CATSPERE: variants seen among roughly 807,000 people sequenced by gnomAD.
CATSPERE encodes the protein catsper channel auxiliary subunit epsilon, also known as cation channel sperm-associated auxiliary subunit epsilon.
In CATSPERE, 93 loss-of-function variants were observed where a neutral mutation model predicts 114.1. The observed-to-expected ratio is 0.81, with a 90% confidence interval of 0.69 to 0.97. CATSPERE has a LOEUF of 0.97. CATSPERE is among the 50% of genes least tolerant of loss of function. The pLI, the probability that CATSPERE is intolerant of heterozygous loss-of-function variation, is 0.00. For synonymous variants in CATSPERE, 341 were observed against 384.1 expected, an observed-to-expected ratio of 0.89 and a Z score of 1.31; for missense variants, 1,058 against 1,131.6, an observed-to-expected ratio of 0.93 and a Z score of 0.93.
At chr1:244,535,325 TTG>T (rs1191355445) in intron 8 of CATSPERE, among the ~76,000 whole-genome samples, 2 of 152,182 alleles carry the variant, frequency 1.3e-5, no homozygotes, top group East Asian at 3.9e-4. Context: ...CCAGCCAGTC[TTG>T]TGTCTTTCCC....
rs1425532385 is a variant in CATSPERE at position 244,624,217 on chromosome 1, C to T, written c.2648+6531C>T. On this transcript the variant is annotated intron_variant, in intron 20 of 21. Transcript: ENST00000366534. ...CAATCTCCTGACCTCGTGATCCGCC[C>T]ACCTCGGCCTCCCAACGTGCTGGGA... Among the ~76,000 whole-genome samples the T allele has an allele frequency of 3.3e-5, 5 of 150,694 alleles. No homozygotes were observed. In the East Asian group the frequency reaches 9.8e-4, roughly 30 times the overall value.
intron 6 of CATSPERE, among the ~76,000 whole-genome samples, chr1:244,495,257 T>C (rs1482830867): frequency 6.6e-6 from 1 of 152,208 alleles, no homozygotes; most frequent in African/African-American, 2.4e-5. Context: ...CTAGAAAATA[T>C]ACAACTAAAC....
intron 9 of CATSPERE, among the ~76,000 whole-genome samples, chr1:244,559,019 A>G (rs1411413421): frequency 2.0e-5 from 3 of 152,208 alleles, no homozygotes; most frequent in African/African-American, 7.2e-5. Context: ...GAGACCTTGA[A>G]TGCTTCAAAA....
At chr1:244,578,959 ACTTTT>A (rs1477612327) in intron 11 of CATSPERE, among the ~76,000 whole-genome samples, 1 of 149,332 alleles carries the variant, frequency 6.7e-6, no homozygotes, top group Non-Finnish European at 1.5e-5. Context: ...TGATGTCATG[ACTTTT>A]CTTTGCTTGG....
At chr1:244,490,560 T>C in intron 6 of CATSPERE, 89 bp downstream of exon 6, 1 of 850,644 alleles carries the variant, frequency 1.2e-6, no homozygotes, top group African/African-American at 1.7e-5. Context: ...GATGAGGAAT[T>C]TTTCAAATGA....
intron 8 of CATSPERE, among the ~76,000 whole-genome samples, chr1:244,518,955 A>T (rs1323343816): frequency 6.6e-6 from 1 of 152,158 alleles, no homozygotes; most frequent in Non-Finnish European, 1.5e-5. Flanking sequence ...AATCCTGGAA[A>T]TATCTCAAAA....
chr1:244,573,446 A>T lies in CATSPERE; in HGVS notation c.1950+674A>T, dbSNP rs945904854. Among the ~76,000 whole-genome samples, 13 of 151,694 alleles carry T rather than the reference A, an allele frequency of 8.6e-5. No homozygotes were observed. Among genetic ancestry groups the T allele is most frequent in the Non-Finnish European group, 1.8e-4 (12 of 67,912 alleles). On this transcript the variant is annotated intron_variant, in intron 11 of 21. Coordinates refer to ENST00000366534, the MANE Select transcript of CATSPERE (RefSeq NM_001130957.2). This position sits in a 1 kb window ranked among gnomAD's most constrained non-coding sequence, Gnocchi z 4.0. ...ACAAAACAAAACAAAACAAAACAAAAAAACCAATTCTATCCGTCAATAGTT... is the reference window on the plus strand; with the variant it reads ...ACAAAACAAAACAAAACAAAACAAATAAACCAATTCTATCCGTCAATAGTT...
intron 6 of CATSPERE, among the ~76,000 whole-genome samples, chr1:244,491,127 A>C (rs1440605243): frequency 2.0e-5 from 3 of 152,110 alleles, no homozygotes; most frequent in Non-Finnish European, 2.9e-5. Context: ...TCCACCACAA[A>C]TCAACAGAAT....
chr1:244,494,198 A>G (rs1672705834), intron 6 of CATSPERE, among the ~76,000 whole-genome samples: 1 of 152,100 alleles, frequency 6.6e-6, no homozygotes. Flanking sequence ...ACTCGGAACC[A>G]ACCTAAATGT....
At chr1:244,490,351 T>C (rs1471426548) in intron 5 of CATSPERE, 96 bp from the exon 6 acceptor site, 3 of 783,552 alleles carry the variant, frequency 3.8e-6, no homozygotes, top group South Asian at 1.9e-5. Flanking sequence ...AAAGAGAATA[T>C]GCAAAGGTTT....
At chr1:244,506,718 G>T (rs554862425) in intron 7 of CATSPERE, among the ~76,000 whole-genome samples, 1 of 152,170 alleles carries the variant, frequency 6.6e-6, no homozygotes, top group African/African-American at 2.4e-5. Context: ...TCAAATCAGG[G>T]TAATTGGGAT....
At chr1:244,493,997 G>T (rs1411896679) in intron 6 of CATSPERE, among the ~76,000 whole-genome samples, 1 of 152,178 alleles carries the variant, frequency 6.6e-6, no homozygotes, top group African/African-American at 2.4e-5. Context: ...CTTTTACACT[G>T]TTGATGGGAC....
At position 244,461,446 on chromosome 1, in the gene CATSPERE, T is replaced by C. The variant is rs1455197530; in HGVS notation, c.17T>C (p.Val6Ala). 4.3e-6 allele frequency: 6 copies of C among 1,387,388 alleles called. No individual in the cohort carries two copies. The highest frequency in any genetic ancestry group is 5.6e-6 in the Non-Finnish European group (6 of 1,062,082). The allele number at this position is 1,387,388 out of a possible 1,614,324, so 85.9% of individuals were successfully genotyped here. Residue 6 changes from valine (V) to alanine (A), a missense_variant, in exon 1 of 22, where the codon GTG becomes GCG. Transcript: ENST00000366534. MSARE[V>A]AVLLLWLSCY... ...GCAGGCGCCATGTCAGCCCGGGAAG[T>C]GGCCGTGCTGCTGCTGTGGCTGAGC...
intron 8 of CATSPERE, among the ~76,000 whole-genome samples, chr1:244,521,837 G>A (rs1335656531): frequency 6.6e-6 from 1 of 152,048 alleles, no homozygotes; most frequent in Admixed American, 6.6e-5. Flanking sequence ...AATATTAATA[G>A]CCTAATGAGA....
At chr1:244,622,937 C>T (rs1390492772) in intron 20 of CATSPERE, among the ~76,000 whole-genome samples, 2 of 151,964 alleles carry the variant, frequency 1.3e-5, no homozygotes, top group African/African-American at 2.4e-5. Context: ...CAGGTATATA[C>T]CAAAAGTGTC....
chr1:244,465,172 A>G (rs1667422509), intron 2 of CATSPERE, among the ~76,000 whole-genome samples: 1 of 151,730 alleles, frequency 6.6e-6, no homozygotes, highest in South Asian at 2.1e-4. Flanking sequence ...AGTAGCTGGG[A>G]CTACAGGTGC....
At chr1:244,476,614 C>A (rs977165895) in intron 2 of CATSPERE, among the ~76,000 whole-genome samples, 3 of 152,094 alleles carry the variant, frequency 2.0e-5, no homozygotes, top group Non-Finnish European at 4.4e-5. Context: ...AGTTAAAACA[C>A]CAAAGCAATC....
intron 8 of CATSPERE, among the ~76,000 whole-genome samples, chr1:244,521,190 T>TA (rs1677487325): frequency 1.3e-5 from 2 of 151,964 alleles, no homozygotes; most frequent in Admixed American, 6.6e-5. Flanking sequence ...CCCATCTCTA[T>TA]ACAAAAATTA....
At position 244,463,781 on chromosome 1, in the gene CATSPERE, C is replaced by T. The variant is rs1167364502; in HGVS notation, c.66-127C>T. On this transcript the variant is annotated intron_variant, in intron 1 of 21. Transcript: ENST00000366534. ...CCCAATTTTAGCCCTGAGTTGCTGT[C>T]AAGGAAGGGAATGAGGCAGAAAGGT... The T allele has an allele frequency of 1.8e-5, 14 of 790,226 alleles. No homozygotes were observed. In the East Asian group the frequency reaches 3.6e-4, roughly 20 times the overall value. The allele number at this position is 790,226 out of a possible 1,614,324, so 49.0% of individuals were successfully genotyped here. A position where few individuals can be genotyped will look rare whatever the true frequency, so the allele number is the denominator to read the frequency against.
Sources: allele counts gnomAD v4.1 joint callset (sites outside exome capture counted in the v4.1 genomes callset), GRCh38; gene constraint gnomAD v4.1.1; non-coding constraint Gnocchi (gnomAD v3.1); transcripts MANE v1.5; gene names NCBI Gene and HGNC (gene_info 2026-07-23, HGNC 2026-07-21).